The following NBEAL1 variants were observed in gnomAD, a reference collection of about 807,000 sequenced individuals.
NBEAL1 encodes neurobeachin-like protein 1.
A neutral mutation model predicts 351.3 loss-of-function variants in NBEAL1; 273 were observed. The observed-to-expected ratio is 0.78, with a 90% CI of 0.70 to 0.86. The LOEUF is 0.86. Ranked by LOEUF, NBEAL1 falls within the 40% of genes least tolerant of loss-of-function variation. NBEAL1 has a pLI of 0.00. For missense variants in NBEAL1, 2,961 were observed against 3,201.3 expected, an observed-to-expected ratio of 0.92 and a Z score of 1.81; for synonymous variants, 1,050 against 1,086.4, an observed-to-expected ratio of 0.97 and a Z score of 0.66.
intron 35 of NBEAL1, among the ~76,000 whole-genome samples, chr2:203,152,512 C>A (rs1230945328): frequency 1.3e-5 from 2 of 151,014 alleles, no homozygotes; most frequent in Non-Finnish European, 3.0e-5. Flanking sequence ...ATTGCTTGAA[C>A]CCGGGAGGCG....
chr2:203,140,558 G>C (rs1181625321), intron 31 of NBEAL1, among the ~76,000 whole-genome samples: 1 of 151,154 alleles, frequency 6.6e-6, no homozygotes, highest in Admixed American at 6.6e-5. Context: ...TTCAATTGTA[G>C]AAAACTTGGA....
chr2:203,067,835 G>A (rs1380278133), intron 6 of NBEAL1, among the ~76,000 whole-genome samples: 1 of 152,102 alleles, frequency 6.6e-6, no homozygotes, highest in Non-Finnish European at 1.5e-5. Context: ...CTTGTTAAAA[G>A]CACATGCAAT....
intron 3 of NBEAL1, among the ~76,000 whole-genome samples, chr2:203,042,412 T>A (rs539976358): frequency 4.6e-5 from 7 of 152,204 alleles, no homozygotes; most frequent in Middle Eastern, 3.2e-3. Context: ...TGTGTTGCCC[T>A]TCCTGAACAT....
At chr2:203,051,335 G>C (rs1345207705) in intron 4 of NBEAL1, among the ~76,000 whole-genome samples, 2 of 152,072 alleles carry the variant, frequency 1.3e-5, no homozygotes, top group Non-Finnish European at 2.9e-5. Context: ...TTGAGGTCAG[G>C]AGTTTGAGAC....
chr2:203,122,964 GT>G (rs945755933), intron 19 of NBEAL1, among the ~76,000 whole-genome samples: 23 of 152,096 alleles, frequency 1.5e-4, no homozygotes, highest in African/African-American at 4.3e-4. Context: ...AGTAAAGGTT[GT>G]TTAGGGTGAG....
chr2:203,190,214 G>T, intron 45 of NBEAL1, 78 bp from the exon 46 acceptor site: 3 of 750,866 alleles, frequency 4.0e-6, no homozygotes, highest in South Asian at 1.6e-5. Context: ...ACACACCAAT[G>T]AGCCTGATAC....
intron 48 of NBEAL1, among the ~76,000 whole-genome samples, chr2:203,197,612 G>A (rs2065275157): frequency 6.6e-6 from 1 of 152,006 alleles, no homozygotes. Context: ...AATCTGAAAA[G>A]ATATATAAAA....
Position 203,068,480 on chromosome 2 carries a change from G to A in NBEAL1, c.598+5G>A. 1.3e-6 allele frequency: 2 copies of A among 1,490,624 alleles called. No individual in the cohort carries two copies. The allele number at this position is 1,490,624 out of a possible 1,614,324, so 92.3% of individuals were successfully genotyped here. A position where few individuals can be genotyped will look rare whatever the true frequency, so the allele number is the denominator to read the frequency against. ...AATTCGTCCCTTTCTTTTATCGTAA[G>A]TAACACCTCTAATTTCTCTTGCTAT... is the stretch of plus-strand genomic sequence containing the variant. On this transcript the variant is annotated splice_donor_5th_base_variant and intron_variant, in intron 7 of 55. Transcript: ENST00000683969.
At chr2:203,195,501 T>G (rs1468263102) in intron 47 of NBEAL1, among the ~76,000 whole-genome samples, 2 of 152,228 alleles carry the variant, frequency 1.3e-5, no homozygotes, top group Non-Finnish European at 2.9e-5. Flanking sequence ...TTATGACTAA[T>G]TCCCAGGATG....
chr2:203,170,844 G>A (rs1331095966), intron 39 of NBEAL1, among the ~76,000 whole-genome samples: 1 of 152,038 alleles, frequency 6.6e-6, no homozygotes, highest in Non-Finnish European at 1.5e-5. Context: ...TATCCTCTGA[G>A]GATAATTAAT....
At chr2:203,213,485 T>A (rs748532708) in intron 54 of NBEAL1, 33 bp from the exon 55 acceptor site, 1 of 1,561,148 alleles carries the variant, frequency 6.4e-7, no homozygotes, top group Non-Finnish European at 8.8e-7. Flanking sequence ...TAAATCCGTG[T>A]AATTATGTCT....
chr2:203,074,681 C>G (rs2061740316), intron 7 of NBEAL1: 1 of 155,350 alleles, frequency 6.4e-6, no homozygotes, highest in Admixed American at 6.5e-5. Flanking sequence ...CTGCTGGACT[C>G]AGTTTAGATG....
In NBEAL1 at chr2:203,217,688, C is replaced by T. The variant is rs1046991661; in HGVS notation, c.*334C>T. The T allele has an allele frequency of 2.1e-6, 2 of 964,630 alleles. No homozygotes were observed. Among genetic ancestry groups the T allele is most frequent in the Non-Finnish European group, 2.5e-6 (2 of 808,936 alleles). 59.8% of individuals were successfully genotyped at this position (964,630 alleles called of 1,614,324 possible). The stretch of plus-strand genomic sequence containing the variant: ...TAATAAAAGAGTACAGATAATGGGA[C>T]AGTTGAGAGAGATGGCTTTAAATAC... On this transcript the variant is annotated 3_prime_UTR_variant, in exon 56 of 56. Coordinates refer to ENST00000683969, the MANE Select transcript of NBEAL1 (RefSeq NM_001378026.1).
chr2:203,097,777 TAA>T (rs34812872), intron 11 of NBEAL1, 144 bp downstream of exon 11: 1 of 195,658 alleles, frequency 5.1e-6, no homozygotes, highest in Non-Finnish European at 9.3e-6. Context: ...TGAAAATTAC[TAA>T]AAAGTTAAAA....
chr2:203,125,575 A>C, intron 20 of NBEAL1, 55 bp downstream of exon 20: 1 of 1,318,036 alleles, frequency 7.6e-7, no homozygotes, highest in Non-Finnish European at 9.8e-7. Context: ...GAATTAATTG[A>C]GAAATAAATG....
At chr2:203,050,909 G>A (rs1397228650) in intron 4 of NBEAL1, among the ~76,000 whole-genome samples, 1 of 152,162 alleles carries the variant, frequency 6.6e-6, no homozygotes. Flanking sequence ...AGAACCATTG[G>A]TTTATTGGTT....
rs770234841 is a variant in NBEAL1, at chr2:203,112,075, C to T, written c.2179C>T (p.Leu727Phe). The stretch of plus-strand genomic sequence containing the variant: ...TGGACAACAGAAGGTTTCTGCCCCT[C>T]TCAGATTTCCTGCCATGAATGAAGT... ...DNGQQKVSAP[L>F]RFPAMNEPFT... Residue 727 changes from leucine to phenylalanine, a missense_variant, in exon 16 of 56, where the codon CTC (leucine) becomes TTC (phenylalanine). Physicochemically the swap from Leu to Phe is conservative, Grantham distance 22. Transcript: ENST00000683969. 8 of 1,552,052 alleles carry T rather than the reference C, an allele frequency of 5.2e-6. No homozygotes were observed. In the South Asian group the frequency reaches 9.5e-5, roughly 19 times the overall value.
rs1443628569 is a variant in NBEAL1, at chr2:203,199,329, C to G, written c.7129-9C>G. 1 of 1,492,322 alleles carries G rather than the reference C, an allele frequency of 6.7e-7. No individual in the cohort carries two copies. Among genetic ancestry groups the G allele is most frequent in the Non-Finnish European group, 9.3e-7 (1 of 1,075,482 alleles). 92.4% of individuals were successfully genotyped at this position (1,492,322 alleles called of 1,614,324 possible). A position where few individuals can be genotyped will look rare whatever the true frequency, so the allele number is the denominator to read the frequency against. On this transcript the variant is annotated splice_polypyrimidine_tract_variant and intron_variant, in intron 48 of 55. Transcript: ENST00000683969. ...CATTTAATTTGAGTCTTCATATGTTCTTTTCCAGATAACAATAAGCATGAA... is the reference window on the plus strand; with the variant it reads ...CATTTAATTTGAGTCTTCATATGTTGTTTTCCAGATAACAATAAGCATGAA...
chr2:203,020,903 G>T (rs527493625), intron 2 of NBEAL1, among the ~76,000 whole-genome samples: 7 of 152,050 alleles, frequency 4.6e-5, no homozygotes, highest in Non-Finnish European at 8.8e-5. Context: ...TTTAATACTA[G>T]TACTTAAGTA....
Sources: allele counts gnomAD v4.1 joint callset (sites outside exome capture counted in the v4.1 genomes callset), GRCh38; gene constraint gnomAD v4.1.1; transcripts MANE v1.5; gene names NCBI Gene and HGNC (gene_info 2026-07-23, HGNC 2026-07-21).